CIT: variants seen among roughly 807,000 people sequenced by gnomAD.
CIT encodes citron Rho-interacting kinase.
In CIT, 79 loss-of-function variants were observed where a neutral mutation model predicts 272.7. The ratio of observed to expected loss-of-function variants is 0.29; its 90% CI spans 0.24 to 0.35. CIT has a LOEUF of 0.35. Ranked by LOEUF, CIT falls within the 10% of genes least tolerant of loss-of-function variation. CIT has a pLI of 1.00. For synonymous variants in CIT, 948 were observed against 995.6 expected (o/e 0.95, Z 0.90); for missense variants, 1,909 against 2,618.3 (o/e 0.73, Z 5.91).
At position 119,775,982 on chromosome 12, in the gene CIT, A is replaced by T. The variant is rs185344678; in HGVS notation, c.1888-143T>A. ...GAACCTATTAAGGGAGAGGAAGAAC[A>T]GTGGCCTCTCAGGGAAGACTTTGTC... is the stretch of plus-strand genomic sequence containing the variant. On this transcript the variant is annotated intron_variant, in intron 15 of 47. Coordinates refer to ENST00000392521, the MANE Select transcript of CIT (RefSeq NM_001206999.2). 15 of 644,738 alleles carry T rather than the reference A, an allele frequency of 2.3e-5. No homozygotes were observed. The East Asian group carries it at 4.2e-4, about 18-fold the overall frequency. The allele number at this position is 644,738 out of a possible 1,614,324, so 39.9% of individuals were successfully genotyped here.
chr12:119,778,433 C>T (rs1207797866), intron 13 of CIT, among the ~76,000 whole-genome samples: 1 of 152,060 alleles, frequency 6.6e-6, no homozygotes, highest in Admixed American at 6.5e-5. Flanking sequence ...ACGAAATGAA[C>T]AAGGAATTGA....
In CIT at chr12:119,724,975, C is replaced by G. The variant is rs1414023959; in HGVS notation, c.3592-3526G>C. Among the ~76,000 whole-genome samples the G allele has an allele frequency of 2.1e-5, 3 of 143,236 alleles. No homozygotes were observed. In the East Asian group the frequency reaches 6.3e-4, roughly 30 times the overall value. The allele number at this position is 143,236 out of a possible 152,430, so 94.0% of individuals were successfully genotyped here. On this transcript the variant is annotated intron_variant, in intron 28 of 47. Coordinates refer to ENST00000392521, the MANE Select transcript of CIT (RefSeq NM_001206999.2). ...AAAAAAAAGTGTCATGTTGAGAAAG[C>G]TTCTGAAGCCATTTTGGGCCCAGGA...
chr12:119,824,356 C>G (rs986989274), intron 8 of CIT, among the ~76,000 whole-genome samples: 2 of 152,160 alleles, frequency 1.3e-5, no homozygotes, highest in Non-Finnish European at 2.9e-5. Context: ...ATACTTACCT[C>G]ACAAGGTTGT....
At chr12:119,726,847 T>A (rs576772218) in intron 28 of CIT, among the ~76,000 whole-genome samples, 2 of 152,176 alleles carry the variant, frequency 1.3e-5, no homozygotes, top group South Asian at 4.2e-4. Flanking sequence ...GTTCTCAGAG[T>A]TCTGTGAAAA....
chr12:119,687,912 T>C lies in CIT; in HGVS notation c.*320A>G, dbSNP rs1453136839. On this transcript the variant is annotated 3_prime_UTR_variant, in exon 48 of 48. Transcript: ENST00000392521. Reference sequence around the variant, plus strand: ...AACCATGTTGTAGTTAGCATCCCGGTTGGTTTCCTTTGATGAACTAACTGG... The same window carrying C: ...AACCATGTTGTAGTTAGCATCCCGGCTGGTTTCCTTTGATGAACTAACTGG... 6.1e-6 allele frequency: 2 copies of C among 328,726 alleles called. No homozygotes were observed. Among genetic ancestry groups the C allele is most frequent in the African/African-American group, 2.1e-5 (1 of 46,838 alleles). The allele number at this position is 328,726 out of a possible 1,614,324, so 20.4% of individuals were successfully genotyped here.
chr12:119,836,314 A>AAAAAAAAG (rs1969012467), intron 5 of CIT, among the ~76,000 whole-genome samples: 5 of 147,592 alleles, frequency 3.4e-5, no homozygotes, highest in African/African-American at 1.3e-4. Flanking sequence ...AAAAAAAAAA[A>AAAAAAAAG]TTATGAACAA....
At chr12:119,845,957 C>CACAA (rs1487932187) in intron 5 of CIT, among the ~76,000 whole-genome samples, 1 of 151,250 alleles carries the variant, frequency 6.6e-6, no homozygotes. Context: ...CACACACACA[C>CACAA]ACACACACAC....
Position 119,710,662 on chromosome 12 carries a change from A to C in CIT, c.4855-42T>G. 6.4e-7 allele frequency: 1 copy of C among 1,566,308 alleles called. No individual in the cohort carries two copies. The highest frequency in any genetic ancestry group is 8.8e-7 in the Non-Finnish European group (1 of 1,136,488). On this transcript the variant is annotated intron_variant, in intron 37 of 47. Transcript: ENST00000392521. The surrounding 1 kb of genome is among the most constrained non-coding windows in gnomAD (Gnocchi z 5.6). ...GAAAAGAAAAACAGAAGACATCGTGAGGCTGATCTGTTTATGACCAAACCA... is the reference window on the plus strand; with the variant it reads ...GAAAAGAAAAACAGAAGACATCGTGCGGCTGATCTGTTTATGACCAAACCA...
At position 119,857,775 on chromosome 12, in the gene CIT, A is replaced by AT; in HGVS notation, c.239-78_239-77insA. Reference sequence around the variant, plus strand: ...GCATCTTTATGAAAGAAAAAAAAAAAAGAAAATAGCATTCGGATAGCTTCC... The same window carrying AT: ...GCATCTTTATGAAAGAAAAAAAAAAATAGAAAATAGCATTCGGATAGCTTCC... On this transcript the variant is annotated intron_variant, in intron 3 of 47. Coordinates refer to ENST00000392521, the MANE Select transcript of CIT (RefSeq NM_001206999.2). 6.7e-6 allele frequency: 9 copies of AT among 1,352,580 alleles called. No homozygotes were observed. The South Asian group carries it at 9.6e-5, about 14-fold the overall frequency. The allele number at this position is 1,352,580 out of a possible 1,614,324, so 83.8% of individuals were successfully genotyped here.
In CIT at chr12:119,784,314, C is replaced by A; in HGVS notation, c.1402-263G>T. On this transcript the variant is annotated intron_variant, in intron 11 of 47. Coordinates refer to ENST00000392521, the MANE Select transcript of CIT (RefSeq NM_001206999.2). The surrounding 1 kb of genome is among the most constrained non-coding windows in gnomAD (Gnocchi z 4.7). ...TCTCTAACCCAGTTAGCAAGGAAGC[C>A]ACAATCATCATTTTTCACCTGTTTG... is the stretch of plus-strand genomic sequence containing the variant. 6.8e-7 allele frequency: 1 copy of A among 1,481,468 alleles called. No homozygotes were observed. The highest frequency in any genetic ancestry group is 9.1e-7 in the Non-Finnish European group (1 of 1,103,954). 91.8% of individuals were successfully genotyped at this position (1,481,468 alleles called of 1,614,324 possible).
intron 3 of CIT, 81 bp from the exon 4 acceptor site, chr12:119,857,779 A>T: frequency 7.6e-7 from 1 of 1,322,934 alleles, no homozygotes; most frequent in Non-Finnish European, 1.0e-6. Flanking sequence ...AAAAAAAAGA[A>T]AATAGCATTC....
chr12:119,838,176 G>A (rs1010146598), intron 5 of CIT, among the ~76,000 whole-genome samples: 2 of 152,130 alleles, frequency 1.3e-5, no homozygotes, highest in South Asian at 2.1e-4. Context: ...GGGTTCAAGC[G>A]ATTCTCCTGC....
intron 9 of CIT, among the ~76,000 whole-genome samples, chr12:119,819,662 C>T (rs756759280): frequency 2.0e-4 from 31 of 152,188 alleles, no homozygotes; most frequent in Non-Finnish European, 1.3e-4. Flanking sequence ...CAGAAATATT[C>T]GACAGCCTGG....
At chr12:119,850,996 G>T (rs1332315806) in intron 4 of CIT, among the ~76,000 whole-genome samples, 1 of 152,234 alleles carries the variant, frequency 6.6e-6, no homozygotes, top group Non-Finnish European at 1.5e-5. Flanking sequence ...TGTCAGAGAA[G>T]AGAATTACAA....
At chr12:119,766,348 G>A (rs987885813) in intron 19 of CIT, among the ~76,000 whole-genome samples, 1 of 152,190 alleles carries the variant, frequency 6.6e-6, no homozygotes, top group Non-Finnish European at 1.5e-5. Flanking sequence ...TGGAATTGGA[G>A]ATCATCATAT....
At position 119,869,171 on chromosome 12, in the gene CIT, T is replaced by G; in HGVS notation, c.127A>C (p.Met43Leu). 6.2e-7 allele frequency: 1 copy of G among 1,610,736 alleles called. No homozygotes were observed. The highest frequency in any genetic ancestry group is 8.5e-7 in the Non-Finnish European group (1 of 1,179,280). Residue 43 changes from methionine (M) to leucine (L), a missense_variant, in exon 3 of 48, where the codon ATG becomes CTG. Met to Leu is a conservative substitution (Grantham distance 15). Transcript: ENST00000392521. The stretch of plus-strand genomic sequence containing the variant: ...ATCCCTTCTCGGGAAAGAGGAGACA[T>G]CTGCTGTTGAGTCATAAAGGGTGGT... ...GKPPFMTQQQ[M>L]SPLSREGILD...
chr12:119,817,383 G>T (rs1967288251), intron 9 of CIT, among the ~76,000 whole-genome samples: 2 of 151,994 alleles, frequency 1.3e-5, no homozygotes, highest in African/African-American at 4.8e-5. Flanking sequence ...GTGTTGGCGG[G>T]CACCTGTAGT....
At chr12:119,752,713 T>C (rs1960421590) in intron 22 of CIT, among the ~76,000 whole-genome samples, 1 of 152,260 alleles carries the variant, frequency 6.6e-6, no homozygotes, top group Admixed American at 6.5e-5. Context: ...CATTAGGTAA[T>C]CTGCTTTAAT....
At chr12:119,755,261 A>T (rs999080925) in intron 22 of CIT, among the ~76,000 whole-genome samples, 17 of 152,178 alleles carry the variant, frequency 1.1e-4, no homozygotes, top group African/African-American at 3.1e-4. Flanking sequence ...AGAAAAAATG[A>T]AAATAAAACC....
Sources: allele counts gnomAD v4.1 joint callset (sites outside exome capture counted in the v4.1 genomes callset), GRCh38; gene constraint gnomAD v4.1.1; non-coding constraint Gnocchi (gnomAD v3.1); transcripts MANE v1.5; gene names NCBI Gene and HGNC (gene_info 2026-07-23, HGNC 2026-07-21).